ARMH4: variants seen among roughly 807,000 people sequenced by gnomAD.
The protein encoded by ARMH4 is armadillo-like helical domain-containing protein 4.
Under a neutral mutation model 61.9 loss-of-function variants are expected in ARMH4, and 49 were observed. The ratio of observed to expected loss-of-function variants is 0.79; its 90% CI spans 0.63 to 1.00. The LOEUF is 1.00. Among genes scored for constraint, ARMH4 ranks in the 50% least tolerant of loss-of-function variants. The probability of loss-of-function intolerance (pLI) is 0.00; values close to 1 mark genes in which losing one functional copy is unlikely to be tolerated. For synonymous variants in ARMH4, 368 were observed against 341.5 expected (o/e 1.08, Z -0.85); for missense variants, 934 against 930.0 (o/e 1.00, Z -0.06).
At chr14:58,118,620 C>T (rs1046863895) in intron 4 of ARMH4, among the ~76,000 whole-genome samples, 3 of 151,990 alleles carry the variant, frequency 2.0e-5, no homozygotes, top group Non-Finnish European at 4.4e-5. Context: ...TGTGCCAGTG[C>T]TTTGGGAACA....
intron 4 of ARMH4, 56 bp from the exon 5 acceptor site, chr14:58,097,037 C>A: frequency 1.3e-6 from 2 of 1,532,092 alleles, no homozygotes; most frequent in East Asian, 2.3e-5. Context: ...TATGCTGAAA[C>A]AAATGAATCC....
chr14:58,114,290 C>T (rs977583912), intron 4 of ARMH4, among the ~76,000 whole-genome samples: 40 of 152,164 alleles, frequency 2.6e-4, no homozygotes, highest in African/African-American at 9.4e-4. Context: ...GTCCAGGTTC[C>T]TCATCTTACT....
chr14:58,020,885 C>A (rs1327835581), intron 5 of ARMH4, among the ~76,000 whole-genome samples: 1 of 152,150 alleles, frequency 6.6e-6, no homozygotes, highest in African/African-American at 2.4e-5. Context: ...TGCCTGTAAA[C>A]TGGAGATCTA....
intron 5 of ARMH4, among the ~76,000 whole-genome samples, chr14:58,021,845 A>G (rs1011774705): frequency 1.3e-5 from 2 of 152,142 alleles, no homozygotes; most frequent in African/African-American, 4.8e-5. Context: ...GATCAAACAA[A>G]ACCTTTGTTC....
chr14:58,139,854 G>A (rs1273590533), intron 1 of ARMH4, among the ~76,000 whole-genome samples: 1 of 152,142 alleles, frequency 6.6e-6, no homozygotes, highest in Non-Finnish European at 1.5e-5. Context: ...AATGTTTGTG[G>A]CCCCCAGAAT....
intron 5 of ARMH4, among the ~76,000 whole-genome samples, chr14:58,069,881 A>G (rs923259150): frequency 7.9e-5 from 12 of 152,206 alleles, no homozygotes; most frequent in Admixed American, 7.2e-4. Context: ...CTGATACTCA[A>G]TTAACATAAT....
At chr14:58,032,844 C>T (rs1470181660) in intron 5 of ARMH4, among the ~76,000 whole-genome samples, 1 of 152,204 alleles carries the variant, frequency 6.6e-6, no homozygotes, top group Middle Eastern at 3.4e-3. Flanking sequence ...CTTTTCAGAC[C>T]GGCTTAACAA....
Position 58,133,078 on chromosome 14 carries a change from T to C in ARMH4, c.1621+12A>G. ...ACCCCCAAAACAGAGTCCAATATCC[T>C]CCCTTACAGACCTTCCACAGTGGGA... On this transcript the variant is annotated intron_variant, in intron 3 of 7. Coordinates refer to ENST00000267485, the MANE Select transcript of ARMH4 (RefSeq NM_001001872.4). 3.7e-6 allele frequency: 6 copies of C among 1,613,670 alleles called. No individual in the cohort carries two copies. The highest frequency in any genetic ancestry group is 5.1e-6 in the Non-Finnish European group (6 of 1,179,760).
intron 5 of ARMH4, among the ~76,000 whole-genome samples, chr14:58,039,046 T>C (rs1883589118): frequency 6.6e-6 from 1 of 152,216 alleles, no homozygotes; most frequent in African/African-American, 2.4e-5. Flanking sequence ...ACGCTTCCCC[T>C]GGACTGCTCC....
chr14:58,047,473 T>C (rs1444055279), intron 5 of ARMH4, among the ~76,000 whole-genome samples: 1 of 152,202 alleles, frequency 6.6e-6, no homozygotes, highest in Non-Finnish European at 1.5e-5. Flanking sequence ...AGTAATTTTT[T>C]ACTCTTCATT....
chr14:58,004,970 C>G, intron 7 of ARMH4, 78 bp downstream of exon 7: 2 of 1,593,088 alleles, frequency 1.3e-6, no homozygotes, highest in Non-Finnish European at 1.7e-6. Context: ...CATTAAACCC[C>G]GTGTGCTTTA....
Position 58,018,343 on chromosome 14 carries a change from A to G in ARMH4, c.2090-6193T>C, listed in dbSNP as rs901841737. Among the ~76,000 whole-genome samples the G allele has an allele frequency of 2.0e-5, 3 of 152,160 alleles. No homozygotes were observed. In the South Asian group the frequency reaches 6.2e-4, roughly 32 times the overall value. ...CCAACAGAGTGAAAAGACAAGCTGT[A>G]GAATGGGAGAAAATATTTGCAAACT... On this transcript the variant is annotated intron_variant, in intron 5 of 7. Coordinates refer to ENST00000267485, the MANE Select transcript of ARMH4 (RefSeq NM_001001872.4).
At chr14:58,140,111 A>C (rs1456485957) in intron 1 of ARMH4, among the ~76,000 whole-genome samples, 1 of 151,488 alleles carries the variant, frequency 6.6e-6, no homozygotes, top group African/African-American at 2.4e-5. Flanking sequence ...TCTACTAAAA[A>C]TACAAAAATT....
chr14:58,100,079 CT>C, intron 4 of ARMH4, among the ~76,000 whole-genome samples: 1 of 152,234 alleles, frequency 6.6e-6, no homozygotes, highest in East Asian at 1.9e-4. Flanking sequence ...ACATCCTCCC[CT>C]GAAACGGTAG....
chr14:58,124,736 A>G (rs945532469), intron 4 of ARMH4, among the ~76,000 whole-genome samples: 1 of 152,192 alleles, frequency 6.6e-6, no homozygotes, highest in Non-Finnish European at 1.5e-5. Context: ...GACTGATCCC[A>G]ACCTCAGCTT....
At chr14:58,066,453 T>C (rs1034563030) in intron 5 of ARMH4, among the ~76,000 whole-genome samples, 2 of 152,092 alleles carry the variant, frequency 1.3e-5, no homozygotes, top group Non-Finnish European at 2.9e-5. Flanking sequence ...GGGTTTTCTT[T>C]TGGGGTGATG....
intron 4 of ARMH4, among the ~76,000 whole-genome samples, chr14:58,119,671 G>A (rs1012836218): frequency 6.6e-6 from 1 of 152,040 alleles, no homozygotes; most frequent in African/African-American, 2.4e-5. Flanking sequence ...CCTCAAAAAC[G>A]ACATGTATCT....
rs1882097486 is a variant in ARMH4, at chr14:58,004,741, A to G, written c.2320T>C (p.Phe774Leu). The part of the protein sequence containing the change: ...MLLADSSEDE[F>L] Reference sequence around the variant, plus strand: ...CAATTAAAACCCAGTCCAATTCAAAATTCATCTTCAGAGCTGTCGGCTAAG... The same window carrying G: ...CAATTAAAACCCAGTCCAATTCAAAGTTCATCTTCAGAGCTGTCGGCTAAG... Residue 774 changes from phenylalanine to leucine, a missense_variant, in exon 8 of 8, where the codon TTT becomes CTT. Coordinates refer to ENST00000267485, the MANE Select transcript of ARMH4 (RefSeq NM_001001872.4). 1.2e-6 allele frequency: 2 copies of G among 1,606,806 alleles called. No homozygotes were observed. Among genetic ancestry groups the G allele is most frequent in the East Asian group, 2.2e-5 (1 of 44,720 alleles).
At chr14:58,091,916 C>T (rs1885579031) in intron 5 of ARMH4, among the ~76,000 whole-genome samples, 1 of 152,222 alleles carries the variant, frequency 6.6e-6, no homozygotes. Flanking sequence ...TCACAATTCC[C>T]TGCAGCAAGA....
Sources: gnomAD v4.1 joint callset for allele counts (sites outside exome capture counted in the v4.1 genomes callset) on GRCh38, gnomAD v4.1.1 for gene constraint, MANE v1.5 for transcripts, NCBI Gene and HGNC (gene_info 2026-07-23, HGNC 2026-07-21) for gene names.